TBC1D10B: variants seen among roughly 807,000 people sequenced by gnomAD.
TBC1D10B encodes TBC1 domain family member 10B.
A neutral mutation model predicts 78.4 loss-of-function variants in TBC1D10B; 25 were observed. That is an observed-to-expected ratio of 0.32 (90% CI 0.23 to 0.45). The LOEUF is 0.45. Among genes scored for constraint, TBC1D10B ranks in the 20% least tolerant of loss-of-function variants. The pLI, the probability that TBC1D10B is intolerant of heterozygous loss-of-function variation, is 1.00. For synonymous variants in TBC1D10B, 517 were observed against 478.0 expected (o/e 1.08, Z -1.06); for missense variants, 996 against 1,104.8 (o/e 0.90, Z 1.40).
chr16:30,360,109 T>C (rs1026333655), intron 4 of TBC1D10B: 5 of 407,276 alleles, frequency 1.2e-5, no homozygotes, highest in African/African-American at 1.0e-4. Flanking sequence ...CCCAGAAACC[T>C]TCCAGGTCAT....
Position 30,370,286 on chromosome 16 carries a change from G to A in TBC1D10B, c.-103C>T, listed in dbSNP as rs2151104265. ...AGCCGAGAAAGGGGAGAGGGCGAAG[G>A]GCGCGGCTCGGCGCGCGCCGGGGGC... On this transcript the variant is annotated 5_prime_UTR_variant, in exon 1 of 9. Transcript: ENST00000409939. The A allele has an allele frequency of 1.9e-6, 1 of 516,802 alleles. No homozygotes were observed. The highest frequency in any genetic ancestry group is 2.6e-6 in the Non-Finnish European group (1 of 381,034). The allele number at this position is 516,802 out of a possible 1,614,324, so 32.0% of individuals were successfully genotyped here.
In TBC1D10B at chr16:30,369,100, G is replaced by T; in HGVS notation, c.956+128C>A. ...TGCTCAAGACACGGCAGCTCGCGCTGATCACCCCGTGGATCCTCAGAGGAG... is the reference window on the plus strand; with the variant it reads ...TGCTCAAGACACGGCAGCTCGCGCTTATCACCCCGTGGATCCTCAGAGGAG... On this transcript the variant is annotated intron_variant, in intron 1 of 8. Coordinates refer to ENST00000409939, the MANE Select transcript of TBC1D10B (RefSeq NM_015527.4). The surrounding 1 kb of genome is among the most constrained non-coding windows in gnomAD (Gnocchi z 4.3). 2.0e-6 allele frequency: 2 copies of T among 996,262 alleles called. No individual in the cohort carries two copies. The highest frequency in any genetic ancestry group is 1.7e-5 in the South Asian group (1 of 58,192). 61.7% of individuals were successfully genotyped at this position (996,262 alleles called of 1,614,324 possible).
At position 30,357,726 on chromosome 16, in the gene TBC1D10B, G is replaced by A. The variant is rs1030046771; in HGVS notation, c.*218C>T. The A allele has an allele frequency of 4.4e-5, 30 of 675,858 alleles. No individual in the cohort carries two copies. The East Asian group carries it at 7.7e-4, about 17-fold the overall frequency. 41.9% of individuals were successfully genotyped at this position (675,858 alleles called of 1,614,324 possible). A position where few individuals can be genotyped will look rare whatever the true frequency, so the allele number is the denominator to read the frequency against. On this transcript the variant is annotated 3_prime_UTR_variant, in exon 9 of 9. Transcript: ENST00000409939. ...TGGGGCAGGAGCGACAGAGACCCCAGCTGAGCCTCATGGGAGATGAGAGGC... is the reference window on the plus strand; with the variant it reads ...TGGGGCAGGAGCGACAGAGACCCCAACTGAGCCTCATGGGAGATGAGAGGC...
rs763985459 is a variant in TBC1D10B, at chr16:30,365,615, G to A, written c.957-21C>T. 135 of 1,610,962 alleles carry A rather than the reference G, an allele frequency of 8.4e-5. No individual in the cohort carries two copies. The highest frequency in any genetic ancestry group is 2.2e-4 in the South Asian group (20 of 90,998). On this transcript the variant is annotated intron_variant, in intron 1 of 8. Coordinates refer to ENST00000409939, the MANE Select transcript of TBC1D10B (RefSeq NM_015527.4). This position sits in a 1 kb window ranked among gnomAD's most constrained non-coding sequence, Gnocchi z 5.0. ...TCTCTCTGCAGGGTCGGGGGAGCAC[G>A]GAAGGGGTCAGTAGCAATAGTGTAA...
Position 30,358,020 on chromosome 16 carries a change from T to C in TBC1D10B, c.2351A>G (p.Lys784Arg). ...AQGRKLSLRR[K>R]ADGPPGPHDG... ...ATGGGGGCCTGGGGGCCCATCTGCC[T>C]TTCGACGCAGCGAAAGCTTCCGGCC... is the stretch of plus-strand genomic sequence containing the variant. Residue 784 changes from lysine (K) to arginine (R), a missense_variant, in exon 9 of 9, where the codon AAG becomes AGG. Lys to Arg is a conservative substitution (Grantham distance 26). This residue lies in a region of TBC1D10B where 285 missense variants were observed against 252.5 expected (regional missense o/e 1.13). Coordinates refer to ENST00000409939, the MANE Select transcript of TBC1D10B (RefSeq NM_015527.4). 1 of 1,551,868 alleles carries C rather than the reference T, an allele frequency of 6.4e-7. No individual in the cohort carries two copies. Among genetic ancestry groups the C allele is most frequent in the Non-Finnish European group, 8.7e-7 (1 of 1,147,022 alleles).
rs2049587887 is a variant in TBC1D10B, at chr16:30,359,821, A to G, written c.1292T>C (p.Ile431Thr). The change falls in exon 5 of 9, where the codon ATC (isoleucine) becomes ACC (threonine). Residue 431 changes from isoleucine (I) to threonine (T), a missense_variant. Physicochemically the swap from Ile to Thr is moderately conservative, Grantham distance 89. This residue lies in a region of TBC1D10B where 93 missense variants were observed against 152.7 expected (regional missense o/e 0.61). Transcript: ENST00000409939. Reference protein sequence around the residue: ...GGHGQQDLYRILKAYTIYRPD... With the variant: ...GGHGQQDLYRTLKAYTIYRPD... ...CCGGTAGATGGTGTAGGCCTTCAGG[A>G]TTCGGTACAGGTCCTGTTGCCTGTG... 1 of 1,568,966 alleles carries G rather than the reference A, an allele frequency of 6.4e-7. No individual in the cohort carries two copies. Among genetic ancestry groups the G allele is most frequent in the South Asian group, 1.2e-5 (1 of 85,282 alleles).
At chr16:30,364,873 C>G (rs889809289) in intron 4 of TBC1D10B, 27 bp downstream of exon 4, 20 of 1,575,058 alleles carry the variant, frequency 1.3e-5, no homozygotes, top group Non-Finnish European at 1.7e-5. Flanking sequence ...TGTTTGCTGA[C>G]TGACCCCCAT....
chr16:30,361,934 C>T (rs1194106064), intron 4 of TBC1D10B, among the ~76,000 whole-genome samples: 1 of 151,668 alleles, frequency 6.6e-6, no homozygotes, highest in African/African-American at 2.4e-5. Flanking sequence ...GCAAGCTCTG[C>T]CTCCCGGGTT....
intron 1 of TBC1D10B, among the ~76,000 whole-genome samples, chr16:30,368,682 C>T (rs2049656361): frequency 6.6e-6 from 1 of 152,162 alleles, no homozygotes; most frequent in Non-Finnish European, 1.5e-5. Context: ...CCCTGTTTCA[C>T]AGCGGGATCC....
chr16:30,365,702 T>G lies in TBC1D10B; in HGVS notation c.957-108A>C, dbSNP rs768352356. On this transcript the variant is annotated intron_variant, in intron 1 of 8. Coordinates refer to ENST00000409939, the MANE Select transcript of TBC1D10B (RefSeq NM_015527.4). This position sits in a 1 kb window ranked among gnomAD's most constrained non-coding sequence, Gnocchi z 5.0. ...CCCCAAGCTCAAACGAGAAACTGGA[T>G]AGTCTGTGAGCTGCCAAACATCAGG... is the stretch of plus-strand genomic sequence containing the variant. 1.3e-4 allele frequency: 140 copies of G among 1,049,380 alleles called. No individual in the cohort carries two copies. The highest frequency in any genetic ancestry group is 1.8e-4 in the Non-Finnish European group (128 of 692,658). 65.0% of individuals were successfully genotyped at this position (1,049,380 alleles called of 1,614,324 possible). A position where few individuals can be genotyped will look rare whatever the true frequency, so the allele number is the denominator to read the frequency against.
chr16:30,358,302 G>T lies in TBC1D10B; in HGVS notation c.2069C>A (p.Pro690His). The stretch of plus-strand genomic sequence containing the variant: ...AGCAGTGACCACAGGCCCTGGGGCA[G>T]GCCCAGCACTGGCTCTGCGGACGGG... ...PPPVRRASAG[P>H]APGPVVTAEG... The change falls in exon 9 of 9, where the codon CCT becomes CAT. Residue 690 changes from proline (P) to histidine (H), a missense_variant. Coordinates refer to ENST00000409939, the MANE Select transcript of TBC1D10B (RefSeq NM_015527.4). The T allele has an allele frequency of 6.3e-7, 1 of 1,584,118 alleles. No homozygotes were observed. The highest frequency in any genetic ancestry group is 8.6e-7 in the Non-Finnish European group (1 of 1,165,276).
rs1224566441 is a variant in TBC1D10B at position 30,357,913 on chromosome 16, G to A, written c.*31C>T. On this transcript the variant is annotated 3_prime_UTR_variant, in exon 9 of 9. Coordinates refer to ENST00000409939, the MANE Select transcript of TBC1D10B (RefSeq NM_015527.4). Reference sequence around the variant, plus strand: ...CCTGTTCTTGGCTGAGGGAAAGAGGGGGGCCATGCAGTCCAGCCCCAGGGC... The same window carrying A: ...CCTGTTCTTGGCTGAGGGAAAGAGGAGGGCCATGCAGTCCAGCCCCAGGGC... 6.5e-7 allele frequency: 1 copy of A among 1,533,298 alleles called. No homozygotes were observed. Among genetic ancestry groups the A allele is most frequent in the South Asian group, 1.2e-5 (1 of 82,744 alleles). 95.0% of individuals were successfully genotyped at this position (1,533,298 alleles called of 1,614,324 possible). A position where few individuals can be genotyped will look rare whatever the true frequency, so the allele number is the denominator to read the frequency against.
Position 30,359,221 on chromosome 16 carries a change from G to C in TBC1D10B, c.1593C>G (p.Thr531=). The C allele has an allele frequency of 6.2e-7, 1 of 1,613,296 alleles. No homozygotes were observed. The highest frequency in any genetic ancestry group is 8.5e-7 in the Non-Finnish European group (1 of 1,179,620). The change falls in exon 7 of 9, where the codon ACC becomes ACG. Residue 531 remains threonine (T), a synonymous_variant. Transcript: ENST00000409939. Reference sequence around the variant, plus strand: ...CACGCAGCACCGACGCCCAGGGCAGGGTGCGGGCGAAGATGCACATGAACC... The same window carrying C: ...CACGCAGCACCGACGCCCAGGGCAGCGTGCGGGCGAAGATGCACATGAACC... ...TEWFMCIFAR[T]LPWASVLRVW... is the part of the protein sequence containing the mutation.
Position 30,357,901 on chromosome 16 carries a change from G to A in TBC1D10B, c.*43C>T, listed in dbSNP as rs1338679849. The A allele has an allele frequency of 1.3e-6, 2 of 1,523,504 alleles. No individual in the cohort carries two copies. The highest frequency in any genetic ancestry group is 2.5e-5 in the South Asian group (2 of 81,148). 94.4% of individuals were successfully genotyped at this position (1,523,504 alleles called of 1,614,324 possible). On this transcript the variant is annotated 3_prime_UTR_variant, in exon 9 of 9. Coordinates refer to ENST00000409939, the MANE Select transcript of TBC1D10B (RefSeq NM_015527.4). ...CCTTGGGCCAGGCCTGTTCTTGGCTGAGGGAAAGAGGGGGGCCATGCAGTC... is the reference window on the plus strand; with the variant it reads ...CCTTGGGCCAGGCCTGTTCTTGGCTAAGGGAAAGAGGGGGGCCATGCAGTC...
intron 5 of TBC1D10B, 43 bp downstream of exon 5, chr16:30,359,684 G>A: frequency 6.4e-7 from 1 of 1,554,720 alleles, no homozygotes; most frequent in African/African-American, 1.4e-5. Context: ...ACTGTAGGGT[G>A]AGATCCCCCC....
chr16:30,364,545 T>C (rs537679744), intron 4 of TBC1D10B, among the ~76,000 whole-genome samples: 1 of 152,204 alleles, frequency 6.6e-6, no homozygotes, highest in Non-Finnish European at 1.5e-5. Context: ...GCTTGGTCTA[T>C]AGAACAAAAT....
intron 4 of TBC1D10B, among the ~76,000 whole-genome samples, chr16:30,363,134 A>G (rs1311272029): frequency 1.3e-5 from 2 of 152,058 alleles, no homozygotes; most frequent in East Asian, 3.8e-4. Context: ...CAGCAACTCC[A>G]TTCTTCTCAT....
chr16:30,364,877 C>A (rs1229341408), intron 4 of TBC1D10B, 23 bp downstream of exon 4: 2 of 1,581,376 alleles, frequency 1.3e-6, no homozygotes, highest in South Asian at 2.3e-5. Context: ...TGCTGACTGA[C>A]CCCCATGGTC....
chr16:30,368,829 A>G (rs2049657708), intron 1 of TBC1D10B, among the ~76,000 whole-genome samples: 1 of 152,210 alleles, frequency 6.6e-6, no homozygotes, highest in African/African-American at 2.4e-5. Flanking sequence ...GGTCTCTACC[A>G]GAACCCTCGC....
Sources: allele counts gnomAD v4.1 joint callset (sites outside exome capture counted in the v4.1 genomes callset), GRCh38; gene constraint gnomAD v4.1.1; regional missense constraint gnomAD v4.1.1; non-coding constraint Gnocchi (gnomAD v3.1); transcripts MANE v1.5; gene names NCBI Gene and HGNC (gene_info 2026-07-23, HGNC 2026-07-21).